MALRD1: variants seen among roughly 807,000 people sequenced by gnomAD.
The protein encoded by MALRD1 is MAM and LDL receptor class A domain containing 1.
In MALRD1, 247 loss-of-function variants were observed where a neutral mutation model predicts 242.1. That is an observed-to-expected ratio of 1.02 (90% CI 0.92 to 1.13). MALRD1 has a LOEUF of 1.13. Ranked by LOEUF, MALRD1 falls within the 50% of genes most tolerant of loss-of-function variation. The probability of loss-of-function intolerance (pLI) is 0.00; values close to 1 mark genes in which losing one functional copy is unlikely to be tolerated. For synonymous variants in MALRD1, 995 were observed against 866.6 expected (o/e 1.15, Z -2.60); for missense variants, 2,989 against 2,533.1 (o/e 1.18, Z -3.86).
intron 36 of MALRD1, among the ~76,000 whole-genome samples, chr10:19,618,158 A>G (rs988005004): frequency 2.0e-5 from 3 of 151,952 alleles, no homozygotes; most frequent in Non-Finnish European, 2.9e-5. Context: ...AAGGACATGA[A>G]TCTAATTCTT....
chr10:19,701,892 G>A (rs1833648626), intron 38 of MALRD1, among the ~76,000 whole-genome samples: 1 of 150,264 alleles, frequency 6.7e-6, no homozygotes, highest in South Asian at 2.1e-4. Flanking sequence ...CTTAGAATTA[G>A]AAATCGCAGT....
intron 14 of MALRD1, among the ~76,000 whole-genome samples, chr10:19,203,093 C>T (rs1836621611): frequency 1.3e-5 from 2 of 152,096 alleles, no homozygotes; most frequent in Admixed American, 1.3e-4. Flanking sequence ...TTATGATTTC[C>T]CTTTCTTTTT....
intron 4 of MALRD1, among the ~76,000 whole-genome samples, chr10:19,088,593 T>TTTTA (rs1835770189): frequency 3.5e-5 from 3 of 85,758 alleles, no homozygotes; most frequent in African/African-American, 6.1e-5. Context: ...TTATTTATTT[T>TTTTA]TTTTTATTAT....
chr10:19,698,042 T>A (rs566027369), intron 38 of MALRD1, among the ~76,000 whole-genome samples: 1 of 152,324 alleles, frequency 6.6e-6, no homozygotes, highest in South Asian at 2.1e-4. Context: ...ATCTCTCTGT[T>A]ACTGAAATAT....
At chr10:19,392,108 T>C (rs1176128094) in intron 28 of MALRD1, among the ~76,000 whole-genome samples, 1 of 152,220 alleles carries the variant, frequency 6.6e-6, no homozygotes, top group Non-Finnish European at 1.5e-5. Context: ...GTAATACTGA[T>C]TATAGATCGC....
chr10:19,526,853 CTT>C (rs774934381), intron 31 of MALRD1, among the ~76,000 whole-genome samples: 1 of 152,110 alleles, frequency 6.6e-6, no homozygotes, highest in Non-Finnish European at 1.5e-5. Context: ...TATAACATTT[CTT>C]TCTACGAAGT....
intron 18 of MALRD1, among the ~76,000 whole-genome samples, chr10:19,218,322 C>G (rs925804909): frequency 7.9e-5 from 12 of 151,948 alleles, no homozygotes; most frequent in African/African-American, 2.4e-4. Flanking sequence ...TTGGTGGAAC[C>G]CTGAATATGC....
chr10:19,128,299 T>G lies in MALRD1; in HGVS notation c.1022T>G (p.Val341Gly), dbSNP rs1475433910. ...LDSRAYLNSS[V>G]CHCLGKSCHL... is the part of the protein sequence containing the mutation. Reference sequence around the variant, plus strand: ...AGCAGGGCTTACCTAAATAGCTCTGTGTGTCATTGCCTGGGCAAGAGCTGT... The same window carrying G: ...AGCAGGGCTTACCTAAATAGCTCTGGGTGTCATTGCCTGGGCAAGAGCTGT... Residue 341 changes from valine to glycine, a missense_variant, in exon 8 of 40, where the codon GTG (valine) becomes GGG (glycine). Physicochemically the swap from Val to Gly is moderately radical, Grantham distance 109. Transcript: ENST00000454679. The G allele has an allele frequency of 8.1e-6, 10 of 1,233,388 alleles. No homozygotes were observed. In the African/African-American group the frequency reaches 1.4e-4, roughly 17 times the overall value. The allele number at this position is 1,233,388 out of a possible 1,614,324, so 76.4% of individuals were successfully genotyped here. A position where few individuals can be genotyped will look rare whatever the true frequency, so the allele number is the denominator to read the frequency against.
chr10:19,591,840 G>A lies in MALRD1; in HGVS notation c.5681-3354G>A, dbSNP rs139933264. On this transcript the variant is annotated intron_variant, in intron 33 of 39. Coordinates refer to ENST00000454679, the MANE Select transcript of MALRD1 (RefSeq NM_001142308.3). The stretch of plus-strand genomic sequence containing the variant: ...CATATATGTGGCAACTTGCATCCAA[G>A]TCAAAAGATAAAGATAGTACATCTT... Among the ~76,000 whole-genome samples the A allele has an allele frequency of 1.9e-3, 283 of 152,292 alleles. 1 individual carries two copies. Among genetic ancestry groups the A allele is most frequent in the Middle Eastern group, 6.8e-3 (2 of 294 alleles).
chr10:19,623,030 A>T (rs912355915), intron 36 of MALRD1, among the ~76,000 whole-genome samples: 6 of 152,078 alleles, frequency 3.9e-5, no homozygotes, highest in Admixed American at 3.9e-4. Flanking sequence ...TCAGAGTTCG[A>T]AGTGAAACCA....
At chr10:19,473,598 T>C (rs1836599187) in intron 29 of MALRD1, among the ~76,000 whole-genome samples, 1 of 152,174 alleles carries the variant, frequency 6.6e-6, no homozygotes, top group Non-Finnish European at 1.5e-5. Context: ...GACTGGTTTA[T>C]TTCATTTAGC....
intron 21 of MALRD1, among the ~76,000 whole-genome samples, chr10:19,309,612 G>T (rs753650281): frequency 2.0e-5 from 3 of 151,540 alleles, no homozygotes; most frequent in Non-Finnish European, 4.4e-5. Flanking sequence ...CAGGTGAAAA[G>T]GTGGTGTTGG....
At chr10:19,439,424 G>T (rs936114320) in intron 28 of MALRD1, among the ~76,000 whole-genome samples, 1 of 151,978 alleles carries the variant, frequency 6.6e-6, no homozygotes, top group African/African-American at 2.4e-5. Context: ...CTGCAGTCCT[G>T]ATGGTGGGAG....
intron 35 of MALRD1, among the ~76,000 whole-genome samples, chr10:19,608,143 A>G (rs1838726679): frequency 6.6e-6 from 1 of 152,134 alleles, no homozygotes; most frequent in Non-Finnish European, 1.5e-5. Context: ...AAAATCAAAT[A>G]TGTAATTTTA....
At chr10:19,442,428 T>C (rs1231625828) in intron 28 of MALRD1, among the ~76,000 whole-genome samples, 2 of 152,158 alleles carry the variant, frequency 1.3e-5, no homozygotes, top group Non-Finnish European at 2.9e-5. Context: ...CAGTGTTTGC[T>C]CATTCAGTAT....
intron 29 of MALRD1, among the ~76,000 whole-genome samples, chr10:19,478,941 A>G (rs12266843): frequency 0.048 from 7,318 of 152,282 alleles, 570 homozygotes; most frequent in African/African-American, 0.16. Flanking sequence ...CATTTTACCC[A>G]AAGTATTTTA....
chr10:19,662,250 T>C (rs1841476254), intron 36 of MALRD1, among the ~76,000 whole-genome samples: 1 of 152,152 alleles, frequency 6.6e-6, no homozygotes, highest in Non-Finnish European at 1.5e-5. Flanking sequence ...TAACTTGTTA[T>C]TTGAACAAAA....
intron 31 of MALRD1, among the ~76,000 whole-genome samples, chr10:19,522,272 A>G (rs1288880954): frequency 2.0e-5 from 3 of 152,236 alleles, no homozygotes; most frequent in South Asian, 4.1e-4. Flanking sequence ...ATTAATATCA[A>G]TACTTCATTG....
At chr10:19,426,695 T>C (rs7078926) in intron 28 of MALRD1, among the ~76,000 whole-genome samples, 44,979 of 151,880 alleles carry the variant, frequency 0.3, 8,653 homozygotes, top group African/African-American at 0.55. Context: ...CCCAGCTTCT[T>C]GGGAGGCTGA....
Sources: allele counts gnomAD v4.1 joint callset (sites outside exome capture counted in the v4.1 genomes callset), GRCh38; gene constraint gnomAD v4.1.1; transcripts MANE v1.5; gene names NCBI Gene and HGNC (gene_info 2026-07-23, HGNC 2026-07-21).